CR1L: variants seen among roughly 807,000 people sequenced by gnomAD.
CR1L encodes complement component receptor 1-like protein.
A neutral mutation model predicts 62.3 loss-of-function variants in CR1L; 59 were observed. That is an observed-to-expected ratio of 0.95 (90% CI 0.77 to 1.18). CR1L has a LOEUF of 1.18. Among genes scored for constraint, CR1L ranks in the 50% most tolerant of loss-of-function variants. CR1L has a pLI of 0.00. For synonymous variants in CR1L, 279 were observed against 248.7 expected, an observed-to-expected ratio of 1.12 and a Z score of -1.15; for missense variants, 700 against 702.8, an observed-to-expected ratio of 1.00 and a Z score of 0.04.
At chr1:207,681,817 C>A (rs1370996551) in intron 3 of CR1L, among the ~76,000 whole-genome samples, 1 of 152,198 alleles carries the variant, frequency 6.6e-6, no homozygotes, top group African/African-American at 2.4e-5. Flanking sequence ...TATAGGATTG[C>A]AGACTTGTTT....
At chr1:207,692,142 ATT>A (rs1308279277) in intron 4 of CR1L, among the ~76,000 whole-genome samples, 1 of 152,244 alleles carries the variant, frequency 6.6e-6, no homozygotes, top group Non-Finnish European at 1.5e-5. Flanking sequence ...ACTCGTTATA[ATT>A]CGCAGTTTAC....
chr1:207,697,299 C>A (rs1664113161), intron 5 of CR1L, among the ~76,000 whole-genome samples: 1 of 152,188 alleles, frequency 6.6e-6, no homozygotes, highest in African/African-American at 2.4e-5. Context: ...GTTTTAGTCA[C>A]AGTTGTGCAA....
At chr1:207,661,095 G>A in intron 1 of CR1L, among the ~76,000 whole-genome samples, 1 of 152,240 alleles carries the variant, frequency 6.6e-6, no homozygotes, top group Non-Finnish European at 1.5e-5. Context: ...TAAGTGTGGT[G>A]TGGTGCTGAA....
chr1:207,648,120 C>T (rs1426287213), intron 1 of CR1L, among the ~76,000 whole-genome samples: 1 of 149,288 alleles, frequency 6.7e-6, no homozygotes, highest in Non-Finnish European at 1.5e-5. Flanking sequence ...CTGCAGTGAG[C>T]CCTAATCATA....
intron 1 of CR1L, among the ~76,000 whole-genome samples, chr1:207,673,773 T>G (rs183516913): frequency 0.018 from 2,685 of 152,258 alleles, 67 homozygotes; most frequent in African/African-American, 0.061. Flanking sequence ...CTTAAAACCT[T>G]ACACACACAC....
chr1:207,655,744 A>G (rs918139757), intron 1 of CR1L, among the ~76,000 whole-genome samples: 1 of 152,228 alleles, frequency 6.6e-6, no homozygotes, highest in Non-Finnish European at 1.5e-5. Flanking sequence ...GGCCTGATTA[A>G]TTTGTAAGAA....
intron 10 of CR1L, among the ~76,000 whole-genome samples, 170 bp downstream of exon 10, chr1:207,708,433 C>T (rs1468912319): frequency 1.3e-5 from 2 of 152,228 alleles, no homozygotes; most frequent in African/African-American, 4.8e-5. Flanking sequence ...TCCACCTTCA[C>T]CTAGAAATGC....
At chr1:207,702,424 G>T (rs1418220227) in intron 9 of CR1L, among the ~76,000 whole-genome samples, 1 of 152,138 alleles carries the variant, frequency 6.6e-6, no homozygotes, top group South Asian at 2.1e-4. Flanking sequence ...TGGCCTTTAA[G>T]TGTTGACATG....
At chr1:207,681,566 T>C (rs115482428) in intron 3 of CR1L, among the ~76,000 whole-genome samples, 2,206 of 152,346 alleles carry the variant, frequency 0.014, 34 homozygotes, top group Non-Finnish European at 0.021. Context: ...ATCTGTTCCC[T>C]TTGATCAGTG....
intron 10 of CR1L, among the ~76,000 whole-genome samples, chr1:207,713,401 G>A (rs1313245216): frequency 6.6e-6 from 1 of 152,236 alleles, no homozygotes; most frequent in African/African-American, 2.4e-5. Flanking sequence ...TTCATGTCAA[G>A]AATGGCCAGT....
intron 2 of CR1L, 60 bp downstream of exon 2, chr1:207,677,628 A>G: frequency 6.4e-7 from 1 of 1,553,256 alleles, no homozygotes; most frequent in South Asian, 1.2e-5. Flanking sequence ...ATCTGATTCA[A>G]TTTGTTCAAA....
At chr1:207,682,494 A>G (rs1663816646) in intron 3 of CR1L, among the ~76,000 whole-genome samples, 2 of 152,120 alleles carry the variant, frequency 1.3e-5, no homozygotes, top group African/African-American at 4.8e-5. Flanking sequence ...CCAAAATGAT[A>G]TCGAAGTCAC....
At chr1:207,695,790 A>T (rs1664093388) in intron 5 of CR1L, among the ~76,000 whole-genome samples, 1 of 152,186 alleles carries the variant, frequency 6.6e-6, no homozygotes, top group South Asian at 2.1e-4. Context: ...ATATTTTCAT[A>T]TGGCTGGCAG....
At chr1:207,717,336 A>G (rs970848638) in intron 10 of CR1L, 128 bp from the exon 11 acceptor site, 5 of 1,085,074 alleles carry the variant, frequency 4.6e-6, no homozygotes, top group Admixed American at 2.9e-5. Context: ...TTTAAATTCC[A>G]TCCACCTTAG....
intron 11 of CR1L, among the ~76,000 whole-genome samples, chr1:207,722,799 A>G (rs1036751079): frequency 7.8e-6 from 1 of 128,212 alleles, no homozygotes; most frequent in African/African-American, 2.6e-5. Flanking sequence ...TGTGTGGACA[A>G]TAATACAAAT....
intron 5 of CR1L, 34 bp from the exon 6 acceptor site, chr1:207,697,469 C>A: frequency 6.2e-7 from 1 of 1,613,528 alleles, no homozygotes; most frequent in Non-Finnish European, 8.5e-7. Context: ...GTTATTTTCA[C>A]ACAATTAGCA....
At chr1:207,666,424 C>G (rs56235509) in intron 1 of CR1L, among the ~76,000 whole-genome samples, 9,523 of 152,270 alleles carry the variant, frequency 0.063, 623 homozygotes, top group East Asian at 0.36. Context: ...CATGACTATT[C>G]ACAATAGCAA....
At position 207,710,582 on chromosome 1, in the gene CR1L, C is replaced by A. The variant is rs1159111378; in HGVS notation, c.1414+2319C>A. On this transcript the variant is annotated intron_variant, in intron 10 of 11. Coordinates refer to ENST00000508064, the MANE Select transcript of CR1L (RefSeq NM_175710.2). ...AGTGGTCGTCTGGAGCGGCCCAGTC[C>A]CTCAGTGCATTATACCTAACAAATG... The A allele has an allele frequency of 3.1e-6, 5 of 1,610,020 alleles. No homozygotes were observed. In the East Asian group the frequency reaches 1.1e-4, roughly 36 times the overall value.
At chr1:207,690,320 G>C (rs1231449781) in intron 4 of CR1L, among the ~76,000 whole-genome samples, 1 of 151,522 alleles carries the variant, frequency 6.6e-6, no homozygotes, top group Non-Finnish European at 1.5e-5. Context: ...TTTACCTTTT[G>C]ATGTCTTCTT....
Sources: allele counts gnomAD v4.1 joint callset (sites outside exome capture counted in the v4.1 genomes callset), GRCh38; gene constraint gnomAD v4.1.1; transcripts MANE v1.5; gene names NCBI Gene and HGNC (gene_info 2026-07-23, HGNC 2026-07-21).